Variants in ABCG1 observed in about 807,000 individuals in gnomAD.
ABCG1 encodes the protein ATP-binding cassette sub-family G member 1.
Under a neutral mutation model 69.2 loss-of-function variants are expected in ABCG1, and 29 were observed. The ratio of observed to expected loss-of-function variants is 0.42; its 90% CI spans 0.31 to 0.57. ABCG1 has a LOEUF of 0.57. Among genes scored for constraint, ABCG1 ranks in the 20% least tolerant of loss-of-function variants. The probability of loss-of-function intolerance (pLI) is 0.15; values close to 1 mark genes in which losing one functional copy is unlikely to be tolerated. For missense variants in ABCG1, 718 were observed against 898.1 expected (o/e 0.80, Z 2.56); for synonymous variants, 370 against 374.8 (o/e 0.99, Z 0.15).
At chr21:42,207,411 C>A (rs75732162) in intron 2 of ABCG1, among the ~76,000 whole-genome samples, 2,777 of 152,266 alleles carry the variant, frequency 0.018, 85 homozygotes, top group African/African-American at 0.063. Context: ...TCTAAACTTT[C>A]TATTTTGTTC....
At chr21:42,228,627 C>T (rs188308337) in intron 2 of ABCG1, among the ~76,000 whole-genome samples, 26 of 152,302 alleles carry the variant, frequency 1.7e-4, no homozygotes, top group Admixed American at 7.8e-4. Context: ...CTGTGCACTC[C>T]GACACAGTGG....
At position 42,231,370 on chromosome 21, in the gene ABCG1, C is replaced by T. The variant is rs117041183; in HGVS notation, c.286+5456C>T. Among the ~76,000 whole-genome samples the T allele has an allele frequency of 7.9e-3, 1,209 of 152,342 alleles. 15 individuals carry two copies. Among genetic ancestry groups the T allele is most frequent in the Admixed American group, 0.037 (569 of 15,306 alleles). ...GTGACGCTCTGATGGAATGGAATGT[C>T]GCCTCCTTCTTTGAAACCCAACCCT... On this transcript the variant is annotated intron_variant, in intron 2 of 14. Transcript: ENST00000398449.
At chr21:42,247,776 A>C (rs766986423) in intron 2 of ABCG1, among the ~76,000 whole-genome samples, 6 of 152,230 alleles carry the variant, frequency 3.9e-5, no homozygotes, top group Non-Finnish European at 8.8e-5. Flanking sequence ...AGAAGAGAAG[A>C]AAAAGTCACA....
chr21:42,266,309 TAAATA>T lies in ABCG1; in HGVS notation c.287-4737_287-4733del, dbSNP rs59850533. On this transcript the variant is annotated intron_variant, in intron 2 of 14. Coordinates refer to ENST00000398449, the MANE Select transcript of ABCG1 (RefSeq NM_016818.3). The stretch of plus-strand genomic sequence containing the variant: ...GAGCGAGACTCTGTCTCAAAATAAA[TAAATA>T]AAATAAAATAAAATAAAATAAAAGA... Among the ~76,000 whole-genome samples the T allele has an allele frequency of 3.0e-4, 45 of 150,828 alleles. No homozygotes were observed. The East Asian group carries it at 3.1e-3, about 10-fold the overall frequency.
rs754660769 is a variant in ABCG1 at position 42,273,374 on chromosome 21, C to G, written c.476C>G (p.Ser159Cys). Reference protein sequence around the residue: ...PRDLRCFRKVSCYIMQDDMLL... With the variant: ...PRDLRCFRKVCCYIMQDDMLL... The stretch of plus-strand genomic sequence containing the variant: ...GACCTGCGCTGCTTCCGGAAGGTGT[C>G]CTGCTACATCATGCAGGATGACATG... The change falls in exon 4 of 15, where the codon TCC becomes TGC. Residue 159 changes from serine to cysteine, a missense_variant. By Grantham distance (112) the Ser-to-Cys change is moderately radical (BLOSUM62 -1). Transcript: ENST00000398449. The surrounding 1 kb of genome is among the most constrained non-coding windows in gnomAD (Gnocchi z 5.3). The G allele has an allele frequency of 1.2e-6, 2 of 1,613,980 alleles. No homozygotes were observed. The highest frequency in any genetic ancestry group is 1.7e-6 in the Non-Finnish European group (2 of 1,180,000).
intron 2 of ABCG1, chr21:42,256,253 G>C (rs1265791050): frequency 1.3e-6 from 2 of 1,487,304 alleles, no homozygotes; most frequent in Non-Finnish European, 1.8e-6. Context: ...GCAACAGACA[G>C]AACACTTACC....
At chr21:42,234,423 C>T (rs181863190) in intron 2 of ABCG1, among the ~76,000 whole-genome samples, 2 of 152,350 alleles carry the variant, frequency 1.3e-5, no homozygotes, top group Non-Finnish European at 2.9e-5. Flanking sequence ...GGCACGTGTT[C>T]CGGGAATTCT....
At chr21:42,223,013 C>T (rs1051015617) in intron 1 of ABCG1, among the ~76,000 whole-genome samples, 1 of 152,202 alleles carries the variant, frequency 6.6e-6, no homozygotes, top group Non-Finnish European at 1.5e-5. Flanking sequence ...CTGTTATTCC[C>T]TCGGGGCTCC....
upstream of ABCG1, among the ~76,000 whole-genome samples, chr21:42,211,497 C>T (rs564097631): frequency 1.3e-5 from 2 of 152,238 alleles, no homozygotes; most frequent in African/African-American, 4.8e-5. Flanking sequence ...TTCTTTCCTT[C>T]CTTACTTTCT....
chr21:42,272,441 C>A (rs915061966), intron 3 of ABCG1, among the ~76,000 whole-genome samples: 1 of 152,236 alleles, frequency 6.6e-6, no homozygotes, highest in Non-Finnish European at 1.5e-5. Flanking sequence ...AGAAGAGACC[C>A]GGCCGCAGGC....
chr21:42,260,829 C>CTT lies in ABCG1; in HGVS notation c.287-10231_287-10230dup, dbSNP rs1191060375. Among the ~76,000 whole-genome samples, 300 of 147,608 alleles carry CTT rather than the reference C, an allele frequency of 2.0e-3. 1 individual carries two copies. Among genetic ancestry groups the CTT allele is most frequent in the African/African-American group, 6.8e-3 (275 of 40,442 alleles). ...TGTGTGCCTCCCTCTCTCCCATTTT[C>CTT]TTTTTTTTTTTGAGACGGAGTCTCG... On this transcript the variant is annotated intron_variant, in intron 2 of 14. Coordinates refer to ENST00000398449, the MANE Select transcript of ABCG1 (RefSeq NM_016818.3).
At chr21:42,295,749 C>T (rs185001511) in intron 14 of ABCG1, among the ~76,000 whole-genome samples, 1 of 152,298 alleles carries the variant, frequency 6.6e-6, no homozygotes, top group Non-Finnish European at 1.5e-5. Flanking sequence ...TCTGACAGGG[C>T]AGGACTGGAG....
chr21:42,212,409 G>A (rs967969533), upstream of ABCG1, among the ~76,000 whole-genome samples: 1 of 152,162 alleles, frequency 6.6e-6, no homozygotes, highest in Admixed American at 6.5e-5. Flanking sequence ...TTATGTAAGT[G>A]GCTGTGATCA....
intron 2 of ABCG1, 55 bp downstream of exon 2, chr21:42,225,969 A>G: frequency 6.3e-7 from 1 of 1,583,036 alleles, no homozygotes. Context: ...TGAAGGAGGC[A>G]ACAGGTTGTT....
chr21:42,251,646 G>A (rs2068223074), intron 2 of ABCG1, among the ~76,000 whole-genome samples: 1 of 152,140 alleles, frequency 6.6e-6, no homozygotes, highest in African/African-American at 2.4e-5. Flanking sequence ...GGCGAGGCGG[G>A]GGGAATGGGA....
intron 1 of ABCG1, among the ~76,000 whole-genome samples, chr21:42,200,203 C>T (rs1428011271): frequency 6.6e-6 from 1 of 152,216 alleles, no homozygotes; most frequent in South Asian, 2.1e-4. Context: ...GGGCCTGTGG[C>T]AGGGCTGCCC....
rs898479675 is a variant in ABCG1 at position 42,288,061 on chromosome 21, G to A, written c.1122+24G>A. On this transcript the variant is annotated intron_variant, in intron 9 of 14. Transcript: ENST00000398449. This position sits in a 1 kb window ranked among gnomAD's most constrained non-coding sequence, Gnocchi z 4.8. ...AGGTAAAGCAGACAAAACGATTAAA[G>A]GGGTTGAGAAAGGTAATGCAAATCC... 34 of 1,605,704 alleles carry A rather than the reference G, an allele frequency of 2.1e-5. No homozygotes were observed. The highest frequency in any genetic ancestry group is 2.7e-5 in the Non-Finnish European group (32 of 1,173,840).
chr21:42,223,155 C>T (rs2067757665), intron 1 of ABCG1, among the ~76,000 whole-genome samples: 1 of 152,204 alleles, frequency 6.6e-6, no homozygotes, highest in Non-Finnish European at 1.5e-5. Flanking sequence ...CCTACCAGCC[C>T]AAATCCACGC....
At chr21:42,284,777 G>A in intron 7 of ABCG1, 94 bp downstream of exon 7, 1 of 1,499,626 alleles carries the variant, frequency 6.7e-7, no homozygotes, top group Non-Finnish European at 8.9e-7. Flanking sequence ...CCTTCTGTTA[G>A]CTCGTGGGGC....
Sources: gnomAD v4.1 joint callset for allele counts (sites outside exome capture counted in the v4.1 genomes callset) on GRCh38, gnomAD v4.1.1 for gene constraint, Gnocchi (gnomAD v3.1) non-coding constraint, MANE v1.5 for transcripts, NCBI Gene and HGNC (gene_info 2026-07-23, HGNC 2026-07-21) for gene names.